The following FAM124A variants were observed in gnomAD, a reference collection of about 807,000 sequenced individuals.
FAM124A encodes protein FAM124A.
A neutral mutation model predicts 24.5 loss-of-function variants in FAM124A; 23 were observed. That is an observed-to-expected ratio of 0.94 (90% CI 0.68 to 1.33). The LOEUF is 1.33. FAM124A is among the 40% of genes most tolerant of loss of function. The pLI is 0.00. For missense variants in FAM124A, 623 were observed against 722.8 expected (o/e 0.86, Z 1.58); for synonymous variants, 287 against 314.7 (o/e 0.91, Z 0.93).
At chr13:51,259,551 AG>A (rs1954712089) in intron 3 of FAM124A, among the ~76,000 whole-genome samples, 1 of 151,886 alleles carries the variant, frequency 6.6e-6, no homozygotes, top group Non-Finnish European at 1.5e-5. Context: ...GTCTCCCCTC[AG>A]GGTCACCTCA....
intron 3 of FAM124A, among the ~76,000 whole-genome samples, chr13:51,271,512 T>C (rs1347534103): frequency 6.6e-6 from 1 of 152,178 alleles, no homozygotes; most frequent in Non-Finnish European, 1.5e-5. Context: ...TTGGCCCTTG[T>C]CCGGCTGCAC....
At position 51,251,916 on chromosome 13, in the gene FAM124A, T is replaced by C. The variant is rs1456407471; in HGVS notation, c.549T>C (p.Tyr183=). Residue 183 remains tyrosine, a synonymous_variant, in exon 3 of 4, where the codon TAT becomes TAC. Transcript: ENST00000322475. The surrounding 1 kb of genome is among the most constrained non-coding windows in gnomAD (Gnocchi z 5.3). ...CCGTCTACTGTCGCTACGACAACTA[T>C]GCTGACAGCCTCAGGTTCTACCAGC... ...RFTVYCRYDN[Y]ADSLRFYQLI... The C allele has an allele frequency of 1.2e-6, 2 of 1,614,056 alleles. No homozygotes were observed. Among genetic ancestry groups the C allele is most frequent in the Non-Finnish European group, 1.7e-6 (2 of 1,180,050 alleles).
intron 3 of FAM124A, among the ~76,000 whole-genome samples, chr13:51,261,918 G>T (rs190708083): frequency 9.9e-4 from 151 of 152,330 alleles, no homozygotes; most frequent in African/African-American, 3.5e-3. Context: ...TTTCAGACAG[G>T]TACAGTACTG....
intron 2 of FAM124A, among the ~76,000 whole-genome samples, chr13:51,237,068 C>T (rs1245621492): frequency 6.6e-6 from 1 of 152,176 alleles, no homozygotes; most frequent in East Asian, 1.9e-4. Flanking sequence ...CCATCCCCAG[C>T]TTCACACCCT....
chr13:51,277,698 G>A (rs1954897483), intron 3 of FAM124A, among the ~76,000 whole-genome samples: 1 of 152,168 alleles, frequency 6.6e-6, no homozygotes, highest in Admixed American at 6.5e-5. Flanking sequence ...GGAGGCTGAG[G>A]CAGAAGAATC....
chr13:51,229,711 A>G (rs1317935931), intron 1 of FAM124A, among the ~76,000 whole-genome samples: 1 of 152,218 alleles, frequency 6.6e-6, no homozygotes, highest in Non-Finnish European at 1.5e-5. Flanking sequence ...ATTGTAATCA[A>G]GTTGTTTTCC....
intron 2 of FAM124A, among the ~76,000 whole-genome samples, chr13:51,234,229 T>C (rs1398531801): frequency 6.6e-6 from 1 of 152,220 alleles, no homozygotes; most frequent in African/African-American, 2.4e-5. Context: ...GTTCCTGAGT[T>C]CACAGGGGCA....
chr13:51,280,699 TCC>T lies in FAM124A; in HGVS notation c.1085_1086del (p.Ser362PhefsTer16). 1 of 1,614,048 alleles carries T rather than the reference TCC, an allele frequency of 6.2e-7. No homozygotes were observed. Among genetic ancestry groups the T allele is most frequent in the Non-Finnish European group, 8.5e-7 (1 of 1,180,012 alleles). On this transcript the variant is annotated frameshift_variant, in exon 4 of 4. Transcript: ENST00000322475. LOFTEE classifies it low-confidence loss of function (END_TRUNC). The part of the protein sequence containing the change: ...NPPWSFQRSK[S>X]LFCLPTGGPS... ...TCCCTGGTCTTTCCAGAGAAGCAAGTCCTTGTTTTGTTTGCCCACGGGAGGCC... is the reference window on the plus strand; with the variant it reads ...TCCCTGGTCTTTCCAGAGAAGCAAGTTTGTTTTGTTTGCCCACGGGAGGCC...
chr13:51,237,947 T>C (rs528363044), intron 2 of FAM124A, among the ~76,000 whole-genome samples: 2 of 152,308 alleles, frequency 1.3e-5, no homozygotes, highest in East Asian at 1.9e-4. Flanking sequence ...CCCCAGGCAT[T>C]GAAGCTTTCT....
At chr13:51,278,112 G>A (rs1238449348) in intron 3 of FAM124A, among the ~76,000 whole-genome samples, 1 of 152,218 alleles carries the variant, frequency 6.6e-6, no homozygotes, top group African/African-American at 2.4e-5. Context: ...CAGCTAGCCT[G>A]CACTGCTTCA....
In FAM124A at chr13:51,222,455, C is replaced by G. The variant is rs1282380984; in HGVS notation, c.-47C>G. 30 of 1,192,384 alleles carry G rather than the reference C, an allele frequency of 2.5e-5. No individual in the cohort carries two copies. The highest frequency in any genetic ancestry group is 3.0e-5 in the Non-Finnish European group (29 of 963,042). 73.9% of individuals were successfully genotyped at this position (1,192,384 alleles called of 1,614,324 possible). A position where few individuals can be genotyped will look rare whatever the true frequency, so the allele number is the denominator to read the frequency against. On this transcript the variant is annotated 5_prime_UTR_variant, in exon 1 of 4. Transcript: ENST00000322475. ...TGGGCGGCCGGGAGGGAGGGCGCCC[C>G]GGGTCACGACGGCGCCCGCAAGCCG... is the stretch of plus-strand genomic sequence containing the variant.
chr13:51,276,148 G>A lies in FAM124A; in HGVS notation c.835-4302G>A, dbSNP rs187332865. Among the ~76,000 whole-genome samples, 6 of 152,268 alleles carry A rather than the reference G, an allele frequency of 3.9e-5. No individual in the cohort carries two copies. The East Asian group carries it at 1.2e-3, about 29-fold the overall frequency. On this transcript the variant is annotated intron_variant, in intron 3 of 3. Transcript: ENST00000322475. ...TCTTGTAGAGCTTGCCAAGGAGTGA[G>A]TTTTGCCAAGGAGCTTGTTCAGGTT...
At position 51,251,867 on chromosome 13, in the gene FAM124A, A is replaced by G. The variant is rs750587172; in HGVS notation, c.500A>G (p.Tyr167Cys). 30 of 1,613,544 alleles carry G rather than the reference A, an allele frequency of 1.9e-5. No individual in the cohort carries two copies. Among genetic ancestry groups the G allele is most frequent in the Non-Finnish European group, 2.5e-5 (30 of 1,179,888 alleles). The change falls in exon 3 of 4, where the codon TAC becomes TGC. Residue 167 changes from tyrosine (Y) to cysteine (C), a missense_variant. Physicochemically the swap from Tyr to Cys is radical, Grantham distance 194. Transcript: ENST00000322475. The surrounding 1 kb of genome is among the most constrained non-coding windows in gnomAD (Gnocchi z 5.3). The stretch of plus-strand genomic sequence containing the variant: ...CTTTGGGCCATCCGGCCCGTGCACT[A>G]CGGCAAGGAAATCGTGCGCTTCACC... ...TPLWAIRPVH[Y>C]GKEIVRFTVY...
chr13:51,240,464 T>C (rs1954479083), intron 2 of FAM124A, among the ~76,000 whole-genome samples: 1 of 152,238 alleles, frequency 6.6e-6, no homozygotes, highest in African/African-American at 2.4e-5. Context: ...GCAAGACGTC[T>C]TTCCTTTGTC....
In FAM124A at chr13:51,282,320, A is replaced by G. The variant is rs1053205903; in HGVS notation, c.*1064A>G. The stretch of plus-strand genomic sequence containing the variant: ...CCCCAAAACGGGAAACTTTACCTGA[A>G]ACGCTCTCCTGAACAAACACCAGTG... On this transcript the variant is annotated 3_prime_UTR_variant, in exon 4 of 4. Transcript: ENST00000322475. 3.9e-5 allele frequency: 6 copies of G among 152,218 alleles called. No individual in the cohort carries two copies. Among genetic ancestry groups the G allele is most frequent in the Non-Finnish European group, 8.8e-5 (6 of 68,042 alleles). The allele number at this position is 152,218 out of a possible 1,614,324, so 9.4% of individuals were successfully genotyped here. A position where few individuals can be genotyped will look rare whatever the true frequency, so the allele number is the denominator to read the frequency against.
intron 3 of FAM124A, among the ~76,000 whole-genome samples, chr13:51,260,575 C>T (rs1173859423): frequency 6.6e-6 from 1 of 152,240 alleles, no homozygotes; most frequent in Non-Finnish European, 1.5e-5. Context: ...CTCAGCATTT[C>T]TACCAGCCAG....
intron 2 of FAM124A, among the ~76,000 whole-genome samples, chr13:51,241,595 A>C (rs1045186795): frequency 2.0e-5 from 3 of 152,080 alleles, no homozygotes; most frequent in African/African-American, 7.2e-5. Flanking sequence ...ACCCATCCTT[A>C]ATTTTCTAGT....
chr13:51,227,033 C>A (rs1185827281), intron 1 of FAM124A, among the ~76,000 whole-genome samples: 1 of 152,150 alleles, frequency 6.6e-6, no homozygotes, highest in Admixed American at 6.5e-5. Context: ...ATGATTATTT[C>A]TCACCATACT....
At position 51,280,759 on chromosome 13, in the gene FAM124A, T is replaced by A; in HGVS notation, c.1144T>A (p.Phe382Ile). The A allele has an allele frequency of 6.2e-7, 1 of 1,613,968 alleles. No individual in the cohort carries two copies. Among genetic ancestry groups the A allele is most frequent in the Middle Eastern group, 1.6e-4 (1 of 6,062 alleles). The change falls in exon 4 of 4, where the codon TTT becomes ATT. Residue 382 changes from phenylalanine (F) to isoleucine (I), a missense_variant. Phe to Ile is a conservative substitution (Grantham distance 21). Transcript: ENST00000322475. ...SLASSAEPQW[F>I]SNTGAPGHRA... Reference sequence around the variant, plus strand: ...GGCCTCCTCAGCTGAACCACAGTGGTTTTCAAACACAGGTGCCCCAGGGCA... The same window carrying A: ...GGCCTCCTCAGCTGAACCACAGTGGATTTCAAACACAGGTGCCCCAGGGCA...
Sources: gnomAD v4.1 joint callset for allele counts (sites outside exome capture counted in the v4.1 genomes callset) on GRCh38, gnomAD v4.1.1 for gene constraint, Gnocchi (gnomAD v3.1) non-coding constraint, MANE v1.5 for transcripts, NCBI Gene and HGNC (gene_info 2026-07-23, HGNC 2026-07-21) for gene names.